The following D2HGDH variants were observed in gnomAD, a reference collection of about 807,000 sequenced individuals.
D2HGDH encodes D-2-hydroxyglutarate dehydrogenase.
A neutral mutation model predicts 46.9 loss-of-function variants in D2HGDH; 31 were observed. The ratio of observed to expected loss-of-function variants is 0.66; its 90% CI spans 0.50 to 0.89. The LOEUF is 0.89. Among genes scored for constraint, D2HGDH ranks in the 40% least tolerant of loss-of-function variants. The pLI is 0.00. For synonymous variants in D2HGDH, 364 were observed against 332.6 expected (o/e 1.09, Z -1.03); for missense variants, 698 against 720.8 (o/e 0.97, Z 0.36).
chr2:241,753,921 G>A (rs1697719228), intron 8 of D2HGDH, among the ~76,000 whole-genome samples: 1 of 152,242 alleles, frequency 6.6e-6, no homozygotes, highest in African/African-American at 2.4e-5. Flanking sequence ...CGGGGAGGAG[G>A]GCAGGGCCAG....
intron 9 of D2HGDH, among the ~76,000 whole-genome samples, chr2:241,762,838 A>C (rs1306693460): frequency 6.6e-6 from 1 of 152,014 alleles, no homozygotes; most frequent in Non-Finnish European, 1.5e-5. Context: ...TTTGTCTCTT[A>C]TTTCTTTACA....
In D2HGDH at chr2:241,741,068, G is replaced by T; in HGVS notation, c.328G>T (p.Glu110Ter). The T allele has an allele frequency of 6.2e-7, 1 of 1,614,034 alleles. No individual in the cohort carries two copies. Among genetic ancestry groups the T allele is most frequent in the Non-Finnish European group, 8.5e-7 (1 of 1,180,008 alleles). ...GGTGCTGCTGAGGCCACGGACGTCG[G>T]AGGAGGTGTCCCACATCCTCAGGTG... The part of the protein sequence containing the change: ...SKVLLRPRTS[E>*]EVSHILRHCH... The change falls in exon 3 of 10, where the codon GAG becomes TAG. Residue 110 changes from glutamate to a stop codon, truncating the protein, a stop_gained. Coordinates refer to ENST00000321264, the MANE Select transcript of D2HGDH (RefSeq NM_152783.5). LOFTEE classifies it high-confidence loss of function.
At chr2:241,744,653 C>T in intron 5 of D2HGDH, 56 bp from the exon 6 acceptor site, 1 of 1,612,228 alleles carries the variant, frequency 6.2e-7, no homozygotes, top group Non-Finnish European at 8.5e-7. Context: ...CCGGAGGCGA[C>T]CGACGTCTTG....
intron 2 of D2HGDH, among the ~76,000 whole-genome samples, chr2:241,737,032 G>GAC (rs1258729380): frequency 6.6e-6 from 1 of 151,640 alleles, no homozygotes; most frequent in Non-Finnish European, 1.5e-5. Flanking sequence ...GCAGTGGCGT[G>GAC]ATCTCGGCTT....
intron 8 of D2HGDH, chr2:241,755,440 C>G: frequency 7.6e-7 from 1 of 1,311,370 alleles, no homozygotes; most frequent in Non-Finnish European, 1.0e-6. Context: ...TTCCCTGGCC[C>G]TTGCCACTCT....
rs1695425647 is a variant in D2HGDH at position 241,744,813 on chromosome 2, G to T, written c.789G>T (p.Gly263=). 1.2e-6 allele frequency: 2 copies of T among 1,614,088 alleles called. No homozygotes were observed. The highest frequency in any genetic ancestry group is 1.3e-5 in the African/African-American group (1 of 74,984). ...QLFIGSEGTL[G]IITTVSILCP... is the part of the protein sequence containing the mutation. ...TCATCGGGTCGGAGGGCACTTTGGGGATCATCACCACGGTGTCCATCTTGT... is the reference window on the plus strand; with the variant it reads ...TCATCGGGTCGGAGGGCACTTTGGGTATCATCACCACGGTGTCCATCTTGT... The change falls in exon 6 of 10, where the codon GGG becomes GGT. Residue 263 remains glycine (G), a synonymous_variant. Coordinates refer to ENST00000321264, the MANE Select transcript of D2HGDH (RefSeq NM_152783.5).
At position 241,767,942 on chromosome 2, in the gene D2HGDH, C is replaced by G. The variant is rs774406297; in HGVS notation, c.1539C>G (p.Pro513=). 2.9e-5 allele frequency: 47 copies of G among 1,596,682 alleles called. No individual in the cohort carries two copies. Among genetic ancestry groups the G allele is most frequent in the South Asian group, 1.8e-4 (16 of 89,214 alleles). ...ALLDPKGILN[P]YKTLPSQA is the part of the protein sequence containing the mutation. ...TGGACCCCAAGGGCATCCTCAACCC[C>G]TACAAGACGCTGCCCAGCCAGGCCT... Residue 513 remains proline (P), a synonymous_variant, in exon 10 of 10, where the codon CCC becomes CCG. Transcript: ENST00000321264.
chr2:241,736,317 G>C (rs978456179), intron 2 of D2HGDH: 1 of 152,300 alleles, frequency 6.6e-6, no homozygotes, highest in Non-Finnish European at 1.5e-5. Flanking sequence ...GGGCAACAGA[G>C]CAAGACTACA....
At chr2:241,744,972 A>ACCCCC in intron 6 of D2HGDH, 95 bp downstream of exon 6, 32 of 1,343,400 alleles carry the variant, frequency 2.4e-5, no homozygotes, top group African/African-American at 2.2e-4. Flanking sequence ...GGATGGAGGG[A>ACCCCC]CCCCCCGCCA....
rs1699282924 is a variant in D2HGDH at position 241,767,872 on chromosome 2, A to G, written c.1469A>G (p.Lys490Arg). 1 of 1,609,788 alleles carries G rather than the reference A, an allele frequency of 6.2e-7. No individual in the cohort carries two copies. The highest frequency in any genetic ancestry group is 8.5e-7 in the Non-Finnish European group (1 of 1,178,500). The change falls in exon 10 of 10, where the codon AAG (lysine) becomes AGG (arginine). Residue 490 changes from lysine to arginine, a missense_variant. Lys to Arg is a conservative substitution (Grantham distance 26, BLOSUM62 2). Transcript: ENST00000321264. ...FRKRDVLGYS[K>R]PPGALQLMQQ... ...AAGAGGGACGTCCTGGGCTACAGCA[A>G]GCCACCGGGGGCCCTGCAGCTCATG...
At chr2:241,758,200 A>G (rs1029114705) in intron 9 of D2HGDH, among the ~76,000 whole-genome samples, 2 of 152,050 alleles carry the variant, frequency 1.3e-5, no homozygotes, top group Non-Finnish European at 2.9e-5. Context: ...GTCTTGGTGG[A>G]TGATTCTGTT....
intron 8 of D2HGDH, chr2:241,755,560 C>G: frequency 1.4e-6 from 2 of 1,427,538 alleles, no homozygotes; most frequent in Non-Finnish European, 1.9e-6. Context: ...CCAGGGTGCT[C>G]GGTGCTGTCG....
At chr2:241,751,945 G>A (rs543477514) in intron 8 of D2HGDH, among the ~76,000 whole-genome samples, 15 of 150,430 alleles carry the variant, frequency 1.0e-4, no homozygotes, top group African/African-American at 2.0e-4. Context: ...CTCGGTCACC[G>A]TCACCGGGGC....
intron 9 of D2HGDH, among the ~76,000 whole-genome samples, chr2:241,758,259 A>G (rs1225271265): frequency 2.3e-4 from 35 of 152,226 alleles, no homozygotes; most frequent in Admixed American, 2.3e-3. Flanking sequence ...TATCAAAATC[A>G]TAACATGAAT....
chr2:241,753,354 C>A (rs1025287353), intron 8 of D2HGDH, among the ~76,000 whole-genome samples: 1 of 149,194 alleles, frequency 6.7e-6, no homozygotes, highest in African/African-American at 2.5e-5. Context: ...CTGCTGTTGT[C>A]CGGTGTTGGC....
intron 8 of D2HGDH, chr2:241,755,134 C>T (rs1250364871): frequency 5.0e-5 from 65 of 1,304,116 alleles, no homozygotes; most frequent in Non-Finnish European, 6.5e-5. Context: ...GGTTCTGCTT[C>T]AGCCACCAGC....
chr2:241,749,595 G>A, intron 6 of D2HGDH: 1 of 323,738 alleles, frequency 3.1e-6, no homozygotes, highest in Non-Finnish European at 6.0e-6. Context: ...CCTGAGTGCT[G>A]ATTGTGTTAA....
chr2:241,762,230 C>A (rs532521447), intron 9 of D2HGDH, among the ~76,000 whole-genome samples: 2 of 152,092 alleles, frequency 1.3e-5, no homozygotes, highest in South Asian at 4.2e-4. Context: ...TGCCACCACA[C>A]CCGGCTAATT....
intron 6 of D2HGDH, among the ~76,000 whole-genome samples, chr2:241,746,035 G>A (rs1007503567): frequency 2.0e-5 from 3 of 152,086 alleles, no homozygotes; most frequent in South Asian, 2.1e-4. Flanking sequence ...GTGTGTGTAC[G>A]TTCTTTTTCA....
Sources: gnomAD v4.1 joint callset for allele counts (sites outside exome capture counted in the v4.1 genomes callset) on GRCh38, gnomAD v4.1.1 for gene constraint, MANE v1.5 for transcripts, NCBI Gene and HGNC (gene_info 2026-07-23, HGNC 2026-07-21) for gene names.